ASPH: variants seen among roughly 807,000 people sequenced by gnomAD.
ASPH encodes aspartate beta-hydroxylase.
ASPH carries 100 observed loss-of-function variants against 118.4 expected under a neutral mutation model. That is an observed-to-expected ratio of 0.84 (90% CI 0.72 to 1.00). The LOEUF (loss-of-function observed/expected upper bound fraction) is 1.00. Among genes scored for constraint, ASPH ranks in the 50% least tolerant of loss-of-function variants. The pLI is 0.00. For missense variants in ASPH, 920 were observed against 919.5 expected (o/e 1.00, Z -0.01); for synonymous variants, 315 against 325.6 (o/e 0.97, Z 0.35).
chr8:61,635,781 A>T (rs140926824), intron 12 of ASPH, among the ~76,000 whole-genome samples: 1 of 152,226 alleles, frequency 6.6e-6, no homozygotes, highest in East Asian at 1.9e-4. Flanking sequence ...TTTCCCCTCC[A>T]TTCCCACTGC....
intron 19 of ASPH, 30 bp downstream of exon 19, chr8:61,555,894 T>C: frequency 5.0e-6 from 8 of 1,588,254 alleles, no homozygotes; most frequent in Non-Finnish European, 6.0e-6. Context: ...ACTTGAAAGA[T>C]GAAAGGAGAG....
Position 61,624,483 on chromosome 8 carries a change from T to C in ASPH, c.935-5464A>G, listed in dbSNP as rs978354415. The C allele has an allele frequency of 8.2e-6, 8 of 970,542 alleles. No homozygotes were observed. The African/African-American group carries it at 1.4e-4, about 17-fold the overall frequency. The allele number at this position is 970,542 out of a possible 1,614,324, so 60.1% of individuals were successfully genotyped here. A position where few individuals can be genotyped will look rare whatever the true frequency, so the allele number is the denominator to read the frequency against. On this transcript the variant is annotated intron_variant, in intron 13 of 24. Transcript: ENST00000379454. Reference sequence around the variant, plus strand: ...ACTAGTAAGGATAAAATGAACTGATTTTATTATGTAACAAATTAAAAATAC... The same window carrying C: ...ACTAGTAAGGATAAAATGAACTGATCTTATTATGTAACAAATTAAAAATAC...
chr8:61,672,329 C>A (rs1822983083), intron 3 of ASPH, among the ~76,000 whole-genome samples: 1 of 151,782 alleles, frequency 6.6e-6, no homozygotes, highest in Non-Finnish European at 1.5e-5. Context: ...AACTGAAAGA[C>A]TAAATAAGCA....
At chr8:61,548,910 T>C (rs2130914101) in intron 20 of ASPH, among the ~76,000 whole-genome samples, 1 of 152,338 alleles carries the variant, frequency 6.6e-6, no homozygotes, top group African/African-American at 2.4e-5. Context: ...ACTAGCCTTT[T>C]CAGGGACAGC....
Position 61,537,733 on chromosome 8 carries a change from C to T in ASPH, c.1764+10338G>A, listed in dbSNP as rs139363086. 4.0e-3 allele frequency among the ~76,000 whole-genome samples: 602 copies of T among 152,250 alleles called. 2 individuals carry two copies. The highest frequency in any genetic ancestry group is 0.014 in the African/African-American group (569 of 41,540). On this transcript the variant is annotated intron_variant, in intron 21 of 24. Transcript: ENST00000379454. The stretch of plus-strand genomic sequence containing the variant: ...ACATTTTAGAACCCCAAATGGAGTA[C>T]CAACCTAGAGGTATAGTTTGCAATT...
chr8:61,596,076 C>T (rs1842432698), intron 14 of ASPH, among the ~76,000 whole-genome samples: 1 of 152,110 alleles, frequency 6.6e-6, no homozygotes, highest in Admixed American at 6.5e-5. Context: ...CAAGTGTGTC[C>T]TACCTGGTAC....
At chr8:61,519,151 C>T (rs1812023320) in intron 22 of ASPH, among the ~76,000 whole-genome samples, 1 of 152,134 alleles carries the variant, frequency 6.6e-6, no homozygotes, top group Admixed American at 6.6e-5. Context: ...GTTTACATTT[C>T]TCTTGACTAT....
At chr8:61,705,444 T>C (rs1447069706) in intron 1 of ASPH, among the ~76,000 whole-genome samples, 1 of 152,112 alleles carries the variant, frequency 6.6e-6, no homozygotes, top group African/African-American at 2.4e-5. Context: ...TGGAATACTA[T>C]TTGACAATAA....
chr8:61,519,762 C>T (rs1169947908), intron 22 of ASPH, among the ~76,000 whole-genome samples: 1 of 152,080 alleles, frequency 6.6e-6, no homozygotes, highest in Non-Finnish European at 1.5e-5. Flanking sequence ...TGGAAGGGGG[C>T]CACAAGCCGG....
chr8:61,631,570 T>C (rs1855613619), intron 13 of ASPH: 1 of 152,200 alleles, frequency 6.6e-6, no homozygotes, highest in Non-Finnish European at 1.5e-5. Context: ...GGCTACTCTA[T>C]GATGTTCATA....
At chr8:61,551,826 G>A (rs916602925) in intron 20 of ASPH, among the ~76,000 whole-genome samples, 5 of 152,102 alleles carry the variant, frequency 3.3e-5, no homozygotes, top group East Asian at 1.9e-4. Context: ...AGAAAAATGC[G>A]ATGCAAAAAG....
chr8:61,511,625 T>C (rs1309704544), intron 24 of ASPH, among the ~76,000 whole-genome samples: 1 of 152,196 alleles, frequency 6.6e-6, no homozygotes, highest in Non-Finnish European at 1.5e-5. Context: ...CTTTTTGAGA[T>C]GAAGTTTCAC....
rs1274178472 is a variant in ASPH at position 61,646,878 on chromosome 8, A to G, written c.491T>C (p.Val164Ala). Reference sequence around the variant, plus strand: ...TTCTTGTTGCAAGTCTTCTCCCTCAACTATGACAATGAACAAAGTGACACT... The same window carrying G: ...TTCTTGTTGCAAGTCTTCTCCCTCAGCTATGACAATGAACAAAGTGACACT... Reference protein sequence around the residue: ...LLHEMVHAEHVEGEDLQQEDG... With the variant: ...LLHEMVHAEHAEGEDLQQEDG... The change falls in exon 6 of 25, where the codon GTT (valine) becomes GCT (alanine). Residue 164 changes from valine to alanine, a missense_variant and splice_region_variant. Val to Ala is a moderately conservative substitution (Grantham distance 64). Transcript: ENST00000379454. 3.7e-6 allele frequency: 6 copies of G among 1,613,866 alleles called. No individual in the cohort carries two copies. The Admixed American group carries it at 8.3e-5, about 22-fold the overall frequency.
intron 3 of ASPH, among the ~76,000 whole-genome samples, chr8:61,678,375 T>C (rs1826376455): frequency 6.6e-6 from 1 of 152,144 alleles, no homozygotes; most frequent in Non-Finnish European, 1.5e-5. Flanking sequence ...AAAAGATACC[T>C]ATATTTTAGT....
At chr8:61,597,516 A>T (rs979509999) in intron 14 of ASPH, among the ~76,000 whole-genome samples, 1 of 152,244 alleles carries the variant, frequency 6.6e-6, no homozygotes, top group African/African-American at 2.4e-5. Flanking sequence ...AGAAATATAG[A>T]CATCCAAATA....
chr8:61,600,831 G>C (rs1052786552), intron 14 of ASPH, among the ~76,000 whole-genome samples: 1 of 151,256 alleles, frequency 6.6e-6, no homozygotes, highest in Non-Finnish European at 1.5e-5. Context: ...AGCCAGCTAT[G>C]TGGTAACTCA....
chr8:61,642,283 T>A (rs1564151815), intron 10 of ASPH, among the ~76,000 whole-genome samples: 1 of 152,258 alleles, frequency 6.6e-6, no homozygotes, highest in Admixed American at 6.5e-5. Context: ...GCTAAAGTAG[T>A]TGTTCATGCA....
At position 61,550,032 on chromosome 8, in the gene ASPH, C is replaced by T. The variant is rs528437236; in HGVS notation, c.1627-1824G>A. 2.0e-4 allele frequency among the ~76,000 whole-genome samples: 30 copies of T among 152,246 alleles called. No individual in the cohort carries two copies. In the East Asian group the frequency reaches 5.8e-3, roughly 29 times the overall value. On this transcript the variant is annotated intron_variant, in intron 20 of 24. Coordinates refer to ENST00000379454, the MANE Select transcript of ASPH (RefSeq NM_004318.4). ...GTAAGTAATCCTGCATCAAGTAGGA[C>T]TCAATTTTTCACTCTCCTGTCATAT...
chr8:61,542,359 C>T (rs1822271076), intron 21 of ASPH, among the ~76,000 whole-genome samples: 1 of 151,948 alleles, frequency 6.6e-6, no homozygotes, highest in Admixed American at 6.6e-5. Context: ...ATTTAATTAC[C>T]TTGTTGTTAA....
Sources: gnomAD v4.1 joint callset for allele counts (sites outside exome capture counted in the v4.1 genomes callset) on GRCh38, gnomAD v4.1.1 for gene constraint, MANE v1.5 for transcripts, NCBI Gene and HGNC (gene_info 2026-07-23, HGNC 2026-07-21) for gene names.